The following NRXN1 variants were observed in gnomAD, a reference collection of about 807,000 sequenced individuals.
NRXN1 encodes neurexin-1.
In NRXN1, 39 loss-of-function variants were observed where a neutral mutation model predicts 150.9. The ratio of observed to expected loss-of-function variants is 0.26; its 90% CI spans 0.20 to 0.34. The LOEUF is 0.34. NRXN1 is among the 10% of genes least tolerant of loss of function. The pLI is 1.00. For synonymous variants in NRXN1, 924 were observed against 757.0 expected, an observed-to-expected ratio of 1.22 and a Z score of -3.62; for missense variants, 1,815 against 1,949.9, an observed-to-expected ratio of 0.93 and a Z score of 1.30.
intron 5 of NRXN1, chr2:50,917,923 TAA>T (rs1235496832): frequency 6.6e-6 from 1 of 151,706 alleles, no homozygotes; most frequent in Non-Finnish European, 1.5e-5. Flanking sequence ...AAATCTATTA[TAA>T]GAGTAAGTTT....
At chr2:50,726,341 T>C (rs1451006652) in intron 5 of NRXN1, among the ~76,000 whole-genome samples, 2 of 152,198 alleles carry the variant, frequency 1.3e-5, no homozygotes, top group African/African-American at 2.4e-5. Context: ...TTATTTATTA[T>C]ATGGAAATAA....
intron 17 of NRXN1, among the ~76,000 whole-genome samples, chr2:50,274,792 A>T (rs987959219): frequency 6.6e-6 from 1 of 152,048 alleles, no homozygotes; most frequent in African/African-American, 2.4e-5. Context: ...TTAAAAAAAA[A>T]CCCATAAAAA....
intron 8 of NRXN1, among the ~76,000 whole-genome samples, chr2:50,567,927 C>A (rs1184824555): frequency 1.3e-5 from 2 of 152,102 alleles, no homozygotes; most frequent in Non-Finnish European, 2.9e-5. Flanking sequence ...CTACAGAATT[C>A]CCAATGTAAT....
chr2:50,137,867 T>A (rs1238728992), intron 18 of NRXN1, among the ~76,000 whole-genome samples: 3 of 152,206 alleles, frequency 2.0e-5, no homozygotes, highest in Admixed American at 6.5e-5. Flanking sequence ...TAAAACAAAC[T>A]ATGGTTGTTT....
At chr2:50,225,245 G>A (rs1043638154) in intron 18 of NRXN1, among the ~76,000 whole-genome samples, 1 of 151,846 alleles carries the variant, frequency 6.6e-6, no homozygotes, top group African/African-American at 2.4e-5. Context: ...CTACCAGCAG[G>A]AGGGCAAGAG....
intron 18 of NRXN1, among the ~76,000 whole-genome samples, chr2:50,153,177 G>T (rs1351229945): frequency 6.6e-6 from 1 of 151,464 alleles, no homozygotes; most frequent in Non-Finnish European, 1.5e-5. Flanking sequence ...TCTAGAACTT[G>T]TTTGCAATTT....
At position 50,054,934 on chromosome 2, in the gene NRXN1, GT is replaced by G; in HGVS notation, c.3808+20del. The G allele has an allele frequency of 6.8e-7, 1 of 1,466,284 alleles. No homozygotes were observed. Among genetic ancestry groups the G allele is most frequent in the Non-Finnish European group, 9.2e-7 (1 of 1,086,842 alleles). The allele number at this position is 1,466,284 out of a possible 1,614,324, so 90.8% of individuals were successfully genotyped here. On this transcript the variant is annotated intron_variant, in intron 20 of 22. Coordinates refer to ENST00000401669, the MANE Select transcript of NRXN1 (RefSeq NM_001330078.2). ...TGTTCAAATTATTTTTTTATTTGAAGTTTTAATCAATGTTTTTTACCTTTGT... is the reference window on the plus strand; with the variant it reads ...TGTTCAAATTATTTTTTTATTTGAAGTTTAATCAATGTTTTTTACCTTTGT...
intron 5 of NRXN1, among the ~76,000 whole-genome samples, chr2:50,774,821 G>C (rs1424272952): frequency 6.6e-6 from 1 of 151,964 alleles, no homozygotes; most frequent in Admixed American, 6.6e-5. Flanking sequence ...TGAAATGCTT[G>C]TTATGATAAA....
chr2:50,093,733 A>G (rs1184547628), intron 18 of NRXN1, among the ~76,000 whole-genome samples: 1 of 152,210 alleles, frequency 6.6e-6, no homozygotes, highest in Admixed American at 6.5e-5. Context: ...TATAAATACT[A>G]ACTCTGGTAT....
intron 17 of NRXN1, among the ~76,000 whole-genome samples, chr2:50,380,232 T>C (rs954918204): frequency 2.0e-5 from 3 of 152,148 alleles, no homozygotes; most frequent in Admixed American, 1.3e-4. Flanking sequence ...TGTGCAAATC[T>C]ACTCAAGTGT....
intron 19 of NRXN1, among the ~76,000 whole-genome samples, chr2:50,068,287 C>A (rs962620827): frequency 6.6e-6 from 1 of 152,026 alleles, no homozygotes; most frequent in African/African-American, 2.4e-5. Context: ...TAATTGCTAG[C>A]CCCATTCAAT....
intron 19 of NRXN1, among the ~76,000 whole-genome samples, chr2:50,068,762 C>CA (rs1489257387): frequency 1.3e-5 from 2 of 152,148 alleles, no homozygotes; most frequent in East Asian, 3.9e-4. Flanking sequence ...GTGTACATCA[C>CA]AAAAAATATT....
intron 16 of NRXN1, among the ~76,000 whole-genome samples, chr2:50,466,814 G>C (rs759502): frequency 2.6e-5 from 4 of 151,002 alleles, no homozygotes; most frequent in African/African-American, 9.7e-5. Flanking sequence ...TTACCAAAGT[G>C]ACTGTGTTGC....
chr2:50,870,546 C>A (rs569205082), intron 5 of NRXN1, among the ~76,000 whole-genome samples: 1 of 152,030 alleles, frequency 6.6e-6, no homozygotes, highest in East Asian at 2.0e-4. Flanking sequence ...ACTTACTATT[C>A]TTTTGCATAA....
intron 5 of NRXN1, among the ~76,000 whole-genome samples, chr2:50,806,868 G>C (rs1177468745): frequency 6.6e-6 from 1 of 152,066 alleles, no homozygotes; most frequent in Non-Finnish European, 1.5e-5. Flanking sequence ...AATTTTTGGT[G>C]AGCATTATTC....
intron 21 of NRXN1, among the ~76,000 whole-genome samples, chr2:50,015,983 GATAA>G (rs1686524929): frequency 6.6e-6 from 1 of 152,124 alleles, no homozygotes; most frequent in African/African-American, 2.4e-5. Context: ...GGGCTAAATA[GATAA>G]ATAGTTTTCA....
chr2:50,540,544 A>G (rs565612546), intron 9 of NRXN1, among the ~76,000 whole-genome samples: 1 of 152,366 alleles, frequency 6.6e-6, no homozygotes, highest in South Asian at 2.1e-4. Context: ...TAGCTAATGA[A>G]AGTTAGAATA....
chr2:50,201,609 T>C (rs2152833882), intron 18 of NRXN1, among the ~76,000 whole-genome samples: 1 of 152,338 alleles, frequency 6.6e-6, no homozygotes, highest in African/African-American at 2.4e-5. Flanking sequence ...GAACTGGTTT[T>C]ATTAGGAAAA....
intron 2 of NRXN1, among the ~76,000 whole-genome samples, chr2:50,993,254 C>A (rs1311726070): frequency 6.6e-6 from 1 of 151,874 alleles, no homozygotes; most frequent in Non-Finnish European, 1.5e-5. Context: ...CTAAGTCTTT[C>A]ATTTTACAAA....
Sources: allele counts gnomAD v4.1 joint callset (sites outside exome capture counted in the v4.1 genomes callset), GRCh38; gene constraint gnomAD v4.1.1; transcripts MANE v1.5; gene names NCBI Gene and HGNC (gene_info 2026-07-23, HGNC 2026-07-21).